SMAP1: variants seen among roughly 807,000 people sequenced by gnomAD.
The protein encoded by SMAP1 is small ArfGAP 1, also known as stromal membrane-associated protein 1.
SMAP1 carries 24 observed loss-of-function variants against 58.5 expected under a neutral mutation model. The ratio of observed to expected loss-of-function variants is 0.41; its 90% CI spans 0.30 to 0.58. SMAP1 has a LOEUF of 0.58. Ranked by LOEUF, SMAP1 falls within the 20% of genes least tolerant of loss-of-function variation. The pLI is 0.29. For synonymous variants in SMAP1, 216 were observed against 196.6 expected (o/e 1.10, Z -0.82); for missense variants, 563 against 566.3 (o/e 0.99, Z 0.06).
At chr6:70,775,850 G>T (rs1367166683) in intron 4 of SMAP1, among the ~76,000 whole-genome samples, 2 of 152,116 alleles carry the variant, frequency 1.3e-5, no homozygotes, top group Non-Finnish European at 2.9e-5. Flanking sequence ...TAATAAATAA[G>T]TTTATATTGT....
intron 1 of SMAP1, among the ~76,000 whole-genome samples, chr6:70,704,673 A>G (rs1767766121): frequency 1.3e-5 from 2 of 152,166 alleles, no homozygotes; most frequent in South Asian, 4.1e-4. Flanking sequence ...TGTATTTGTT[A>G]AAAATCTTTA....
At chr6:70,726,879 GTGT>G (rs1768812669) in intron 1 of SMAP1, among the ~76,000 whole-genome samples, 1 of 64,396 alleles carries the variant, frequency 1.6e-5, no homozygotes, top group Admixed American at 1.3e-4. Context: ...TTAGGGGTGT[GTGT>G]GTGTGTGTGT....
chr6:70,753,567 A>G (rs1766366101), intron 2 of SMAP1, among the ~76,000 whole-genome samples: 1 of 152,154 alleles, frequency 6.6e-6, no homozygotes, highest in Admixed American at 6.6e-5. Context: ...AGGGTGAGCT[A>G]TACTGAAATT....
In SMAP1 at chr6:70,682,170, ATTTTTTTTTTTTTT is replaced by A. The variant is rs66981900; in HGVS notation, c.118+14052_118+14065del. On this transcript the variant is annotated intron_variant, in intron 1 of 10. Transcript: ENST00000370455. ...GGATTTAAGGTTATTCTCTGCACAG[ATTTTTTTTTTTTTT>A]TTTTTTTTTTTTTTTTTTTTTTGAG... Among the ~76,000 whole-genome samples, 19 of 95,918 alleles carry A rather than the reference ATTTTTTTTTTTTTT, an allele frequency of 2.0e-4. 1 individual carries two copies. The highest frequency in any genetic ancestry group is 3.5e-4 in the South Asian group (1 of 2,824). 62.9% of individuals were successfully genotyped at this position (95,918 alleles called of 152,430 possible).
At chr6:70,750,203 G>T (rs1005908327) in intron 2 of SMAP1, among the ~76,000 whole-genome samples, 2 of 152,088 alleles carry the variant, frequency 1.3e-5, no homozygotes, top group Non-Finnish European at 2.9e-5. Flanking sequence ...TGTCACTGGA[G>T]ATGCCCTGTT....
intron 1 of SMAP1, among the ~76,000 whole-genome samples, chr6:70,701,485 AC>A (rs1767625172): frequency 6.6e-6 from 1 of 151,966 alleles, no homozygotes; most frequent in African/African-American, 2.4e-5. Flanking sequence ...TTTATTTAGG[AC>A]CCTAGAGTGC....
chr6:70,778,251 T>A (rs1438397406), intron 4 of SMAP1, among the ~76,000 whole-genome samples: 4 of 152,164 alleles, frequency 2.6e-5, no homozygotes, highest in Non-Finnish European at 4.4e-5. Flanking sequence ...TTATGTTGAA[T>A]AAGATTGGTG....
At chr6:70,793,671 A>C (rs1297365185) in intron 5 of SMAP1, among the ~76,000 whole-genome samples, 2 of 149,634 alleles carry the variant, frequency 1.3e-5, no homozygotes, top group African/African-American at 4.9e-5. Flanking sequence ...AGAGAGAGAG[A>C]GAAAGCTTAA....
At chr6:70,702,621 T>G (rs1767679042) in intron 1 of SMAP1, among the ~76,000 whole-genome samples, 1 of 149,532 alleles carries the variant, frequency 6.7e-6, no homozygotes, top group African/African-American at 2.5e-5. Flanking sequence ...CAGCCTTTCT[T>G]TCTTCTTCTT....
At chr6:70,668,793 A>G (rs958199047) in intron 1 of SMAP1, 26 of 1,466,588 alleles carry the variant, frequency 1.8e-5, no homozygotes, top group Admixed American at 4.2e-5. Flanking sequence ...TAGTCTGGTT[A>G]TTAGCCAGAA....
chr6:70,761,604 A>G (rs955066985), intron 3 of SMAP1, among the ~76,000 whole-genome samples: 2 of 152,054 alleles, frequency 1.3e-5, no homozygotes, highest in African/African-American at 4.8e-5. Context: ...CCCTCAGTAC[A>G]GTAATTCTGT....
intron 4 of SMAP1, among the ~76,000 whole-genome samples, chr6:70,780,084 T>C (rs923001311): frequency 7.2e-5 from 11 of 152,208 alleles, no homozygotes; most frequent in Admixed American, 6.5e-4. Flanking sequence ...AGCCCACATA[T>C]GGCCCGCTCA....
intron 8 of SMAP1, among the ~76,000 whole-genome samples, chr6:70,853,101 A>G (rs1396962306): frequency 6.6e-6 from 1 of 152,154 alleles, no homozygotes; most frequent in Non-Finnish European, 1.5e-5. Context: ...GTTTGTAAAT[A>G]TTGACTGCAG....
intron 6 of SMAP1, among the ~76,000 whole-genome samples, chr6:70,822,720 T>C (rs911244536): frequency 6.6e-6 from 1 of 152,208 alleles, no homozygotes; most frequent in East Asian, 1.9e-4. Context: ...TCTGTCATAC[T>C]GTTTCAGATA....
intron 6 of SMAP1, among the ~76,000 whole-genome samples, chr6:70,824,116 C>T (rs1460931943): frequency 6.6e-6 from 1 of 152,150 alleles, no homozygotes; most frequent in African/African-American, 2.4e-5. Flanking sequence ...CTCTTGTTTT[C>T]AGGGCTACAG....
At chr6:70,789,553 A>G (rs1768247013) in intron 4 of SMAP1, among the ~76,000 whole-genome samples, 1 of 147,706 alleles carries the variant, frequency 6.8e-6, no homozygotes, top group Admixed American at 6.7e-5. Context: ...TTTCTTTCCC[A>G]ACTGGAACAT....
chr6:70,829,375 A>G (rs1017057001), intron 6 of SMAP1, among the ~76,000 whole-genome samples: 21 of 152,006 alleles, frequency 1.4e-4, no homozygotes, highest in Non-Finnish European at 2.9e-4. Context: ...AGCCTCACAC[A>G]TAGCCGGAAC....
intron 1 of SMAP1, among the ~76,000 whole-genome samples, chr6:70,715,663 G>C (rs140717147): frequency 5.1e-4 from 77 of 152,282 alleles, no homozygotes; most frequent in African/African-American, 1.6e-3. Context: ...TGGTGGAGTA[G>C]GGTAGGTGGG....
intron 2 of SMAP1, chr6:70,734,391 C>T (rs1472010121): frequency 2.6e-5 from 4 of 152,328 alleles, no homozygotes; most frequent in Admixed American, 2.0e-4. Context: ...AGTGATCTGC[C>T]CACCTTGGCC....
Sources: allele counts gnomAD v4.1 joint callset (sites outside exome capture counted in the v4.1 genomes callset), GRCh38; gene constraint gnomAD v4.1.1; transcripts MANE v1.5; gene names NCBI Gene and HGNC (gene_info 2026-07-23, HGNC 2026-07-21).